The following PKNOX2 variants were observed in gnomAD, a reference collection of about 807,000 sequenced individuals.
PKNOX2 encodes homeobox protein PKNOX2.
PKNOX2 carries 14 observed loss-of-function variants against 53.1 expected under a neutral mutation model. The ratio of observed to expected loss-of-function variants is 0.26; its 90% CI spans 0.17 to 0.41. PKNOX2 has a LOEUF of 0.41. PKNOX2 is among the 10% of genes least tolerant of loss of function. PKNOX2 has a pLI of 1.00. For missense variants in PKNOX2, 496 were observed against 602.8 expected (o/e 0.82, Z 1.85); for synonymous variants, 257 against 242.8 (o/e 1.06, Z -0.54).
intron 2 of PKNOX2, among the ~76,000 whole-genome samples, chr11:125,261,445 C>T (rs1944836866): frequency 6.6e-6 from 1 of 152,206 alleles, no homozygotes; most frequent in African/African-American, 2.4e-5. Context: ...TGCCCTGCAG[C>T]TAAGCACTGA....
At chr11:125,289,620 C>T (rs1241354990) in intron 2 of PKNOX2, among the ~76,000 whole-genome samples, 1 of 152,150 alleles carries the variant, frequency 6.6e-6, no homozygotes, top group Non-Finnish European at 1.5e-5. Context: ...CAAACAATTG[C>T]CCCTGGAGTT....
At chr11:125,417,358 C>T (rs1955940389) in intron 10 of PKNOX2, among the ~76,000 whole-genome samples, 1 of 151,996 alleles carries the variant, frequency 6.6e-6, no homozygotes. Flanking sequence ...TCCTGGAGAC[C>T]AGGCCCCAGC....
At chr11:125,194,305 C>A (rs1207822179) in intron 1 of PKNOX2, among the ~76,000 whole-genome samples, 2 of 152,216 alleles carry the variant, frequency 1.3e-5, no homozygotes, top group Non-Finnish European at 2.9e-5. Flanking sequence ...CCCATTGCGG[C>A]CTTTCTTGAG....
chr11:125,381,649 C>T (rs940583264), intron 5 of PKNOX2, among the ~76,000 whole-genome samples: 1 of 152,070 alleles, frequency 6.6e-6, no homozygotes, highest in Non-Finnish European at 1.5e-5. Flanking sequence ...GACAATGCCT[C>T]CCACCCCATC....
chr11:125,348,409 G>T (rs1010879134), intron 3 of PKNOX2, among the ~76,000 whole-genome samples: 4 of 152,228 alleles, frequency 2.6e-5, no homozygotes, highest in African/African-American at 9.6e-5. Context: ...TCTCTTGCAG[G>T]AGAAGCCCCC....
chr11:125,340,197 T>A (rs1427112320), intron 3 of PKNOX2, among the ~76,000 whole-genome samples: 1 of 152,198 alleles, frequency 6.6e-6, no homozygotes, highest in African/African-American at 2.4e-5. Context: ...GTCCATTAAC[T>A]GATGTACAAA....
intron 4 of PKNOX2, among the ~76,000 whole-genome samples, chr11:125,355,722 A>T (rs1386505789): frequency 6.6e-6 from 1 of 151,798 alleles, no homozygotes; most frequent in Non-Finnish European, 1.5e-5. Flanking sequence ...TCCATTTGCT[A>T]CTATTTCTGT....
Position 125,191,841 on chromosome 11 carries a change from T to C in PKNOX2, c.-201+27065T>C, listed in dbSNP as rs141794293. 4.6e-5 allele frequency among the ~76,000 whole-genome samples: 7 copies of C among 152,350 alleles called. No individual in the cohort carries two copies. The East Asian group carries it at 1.3e-3, about 29-fold the overall frequency. On this transcript the variant is annotated intron_variant, in intron 1 of 12. Transcript: ENST00000298282. ...TGCTGTTATATATCCTTTTCAACTTTAATAAGGTGTTGCAAAAACTACAAA... is the reference window on the plus strand; with the variant it reads ...TGCTGTTATATATCCTTTTCAACTTCAATAAGGTGTTGCAAAAACTACAAA...
chr11:125,398,114 T>G (rs761680725), intron 7 of PKNOX2, 52 bp downstream of exon 7: 2 of 1,535,460 alleles, frequency 1.3e-6, no homozygotes, highest in Non-Finnish European at 1.8e-6. Context: ...TAAGCCCAGC[T>G]CTGGAGCCAC....
intron 2 of PKNOX2, among the ~76,000 whole-genome samples, chr11:125,239,463 C>T (rs2135590911): frequency 6.6e-6 from 1 of 152,254 alleles, no homozygotes; most frequent in Non-Finnish European, 1.5e-5. Flanking sequence ...TTTTTTATTT[C>T]AGTTGGCTGG....
Position 125,224,459 on chromosome 11 carries a change from A to G in PKNOX2, c.-200-10586A>G, listed in dbSNP as rs988999675. Among the ~76,000 whole-genome samples, 9 of 152,026 alleles carry G rather than the reference A, an allele frequency of 5.9e-5. 1 individual carries two copies. The highest frequency in any genetic ancestry group is 2.2e-4 in the African/African-American group (9 of 41,388). ...GTGCAGTCAGGGTGACTTGGGTTGG[A>G]GATTGAAGCTGCCGGCCTTGCCTGG... On this transcript the variant is annotated intron_variant, in intron 1 of 12. Coordinates refer to ENST00000298282, the MANE Select transcript of PKNOX2 (RefSeq NM_001382323.2).
chr11:125,228,986 T>A (rs1941962864), intron 1 of PKNOX2, among the ~76,000 whole-genome samples: 1 of 152,180 alleles, frequency 6.6e-6, no homozygotes, highest in Non-Finnish European at 1.5e-5. Context: ...GCACCTGCCT[T>A]CTGGCCACTG....
At chr11:125,329,918 G>A (rs749906978) in intron 2 of PKNOX2, among the ~76,000 whole-genome samples, 2 of 152,300 alleles carry the variant, frequency 1.3e-5, no homozygotes, top group Non-Finnish European at 2.9e-5. Context: ...GCAGGAAGTC[G>A]TTGTACTTCT....
At chr11:125,310,287 G>C (rs1385116630) in intron 2 of PKNOX2, among the ~76,000 whole-genome samples, 2 of 152,002 alleles carry the variant, frequency 1.3e-5, no homozygotes, top group Non-Finnish European at 2.9e-5. Flanking sequence ...ACAAGGTCAG[G>C]AGTTCGAGAC....
chr11:125,168,132 C>CT (rs1174785601), intron 1 of PKNOX2, among the ~76,000 whole-genome samples: 7 of 152,128 alleles, frequency 4.6e-5, no homozygotes, highest in Admixed American at 4.6e-4. Context: ...TTACTTGGGA[C>CT]TGGGGGAGGG....
intron 2 of PKNOX2, among the ~76,000 whole-genome samples, chr11:125,291,940 G>C (rs1323510900): frequency 2.0e-5 from 3 of 152,146 alleles, no homozygotes; most frequent in Non-Finnish European, 4.4e-5. Flanking sequence ...TGATTTAAAG[G>C]GTGCAGAGTT....
At chr11:125,301,196 G>A (rs1948038687) in intron 2 of PKNOX2, among the ~76,000 whole-genome samples, 2 of 152,174 alleles carry the variant, frequency 1.3e-5, no homozygotes, top group African/African-American at 4.8e-5. Flanking sequence ...CCAATCCACT[G>A]CTGGGACTGC....
At chr11:125,169,713 T>G (rs941718495) in intron 1 of PKNOX2, among the ~76,000 whole-genome samples, 1 of 152,174 alleles carries the variant, frequency 6.6e-6, no homozygotes, top group African/African-American at 2.4e-5. Flanking sequence ...AAATGGGAGA[T>G]AGAGGCTTCT....
intron 10 of PKNOX2, 36 bp downstream of exon 10, chr11:125,411,901 C>G: frequency 6.2e-7 from 1 of 1,612,960 alleles, no homozygotes; most frequent in Non-Finnish European, 8.5e-7. Flanking sequence ...GGAGTCCCGG[C>G]ATGGGGTATG....
Sources: gnomAD v4.1 joint callset for allele counts (sites outside exome capture counted in the v4.1 genomes callset) on GRCh38, gnomAD v4.1.1 for gene constraint, MANE v1.5 for transcripts, NCBI Gene and HGNC (gene_info 2026-07-23, HGNC 2026-07-21) for gene names.